Variants in CDH12 observed in about 807,000 individuals in gnomAD.
The protein encoded by CDH12 is cadherin 12, also known as cadherin-12.
A neutral mutation model predicts 74.1 loss-of-function variants in CDH12; 41 were observed. That is an observed-to-expected ratio of 0.55 (90% confidence interval 0.43 to 0.72). The LOEUF (loss-of-function observed/expected upper bound fraction) is 0.72, where lower values mean the gene tolerates loss of function less well. CDH12 is among the 30% of genes least tolerant of loss of function. The pLI, the probability that CDH12 is intolerant of heterozygous loss-of-function variation, is 0.00. For synonymous variants in CDH12, 399 were observed against 355.0 expected (o/e 1.12, Z -1.39); for missense variants, 945 against 977.2 (o/e 0.97, Z 0.44).
chr5:22,841,165 T>C (rs1737064740), intron 1 of CDH12, among the ~76,000 whole-genome samples: 2 of 152,134 alleles, frequency 1.3e-5, no homozygotes, highest in South Asian at 2.1e-4. Context: ...GTAATTTGGA[T>C]AAGCAATTAC....
At chr5:21,814,411 C>G (rs1747930330) in intron 9 of CDH12, among the ~76,000 whole-genome samples, 1 of 151,694 alleles carries the variant, frequency 6.6e-6, no homozygotes, top group African/African-American at 2.4e-5. Context: ...GTTGAACTTA[C>G]ATAACTGAAT....
intron 1 of CDH12, among the ~76,000 whole-genome samples, chr5:22,656,702 TC>T (rs1332337490): frequency 6.6e-6 from 1 of 152,210 alleles, no homozygotes; most frequent in Non-Finnish European, 1.5e-5. Context: ...GGAGTATTAC[TC>T]ATGTATGTGC....
At chr5:22,100,513 C>T (rs1474498926) in intron 4 of CDH12, among the ~76,000 whole-genome samples, 2 of 152,068 alleles carry the variant, frequency 1.3e-5, no homozygotes, top group Non-Finnish European at 2.9e-5. Flanking sequence ...ATTTACCTCA[C>T]ATTTTGATAT....
intron 1 of CDH12, among the ~76,000 whole-genome samples, chr5:22,764,395 A>G (rs918241244): frequency 2.6e-5 from 4 of 151,962 alleles, no homozygotes; most frequent in African/African-American, 9.7e-5. Flanking sequence ...TTTTCCATAT[A>G]TATTTCCTTC....
intron 3 of CDH12, among the ~76,000 whole-genome samples, chr5:22,371,952 A>G (rs1404273890): frequency 2.6e-5 from 4 of 152,220 alleles, no homozygotes; most frequent in African/African-American, 9.6e-5. Context: ...ATTTTAAGTT[A>G]GGCCAAAACA....
At chr5:22,765,680 G>T (rs190286799) in intron 1 of CDH12, among the ~76,000 whole-genome samples, 2 of 151,788 alleles carry the variant, frequency 1.3e-5, no homozygotes, top group Admixed American at 1.3e-4. Context: ...ATCGGTAACA[G>T]ATTTTTTTTC....
intron 4 of CDH12, among the ~76,000 whole-genome samples, chr5:22,089,095 A>G (rs1332822898): frequency 6.6e-6 from 1 of 152,176 alleles, no homozygotes; most frequent in Admixed American, 6.5e-5. Context: ...ACATTAGACA[A>G]TGTCATATGT....
At chr5:22,393,086 G>A (rs1178507391) in intron 3 of CDH12, among the ~76,000 whole-genome samples, 5 of 152,188 alleles carry the variant, frequency 3.3e-5, no homozygotes, top group South Asian at 4.1e-4. Context: ...TAGGGAAAAC[G>A]TCTTCACAGA....
At chr5:21,809,225 C>T (rs550198099) in intron 9 of CDH12, among the ~76,000 whole-genome samples, 170 of 151,922 alleles carry the variant, frequency 1.1e-3, no homozygotes, top group African/African-American at 3.8e-3. Flanking sequence ...TGTATTTTAG[C>T]GGTAATTTTT....
intron 1 of CDH12, among the ~76,000 whole-genome samples, chr5:22,726,790 C>T (rs1416491213): frequency 6.6e-6 from 1 of 151,530 alleles, no homozygotes; most frequent in East Asian, 1.9e-4. Flanking sequence ...TCTTCCTGGA[C>T]AAAAAAATAA....
chr5:22,271,191 T>A (rs1736383003), intron 3 of CDH12, among the ~76,000 whole-genome samples: 1 of 152,182 alleles, frequency 6.6e-6, no homozygotes, highest in South Asian at 2.1e-4. Flanking sequence ...ATAAATTTAA[T>A]ATTCTCAACA....
chr5:22,113,837 C>T (rs1243272971), intron 4 of CDH12, among the ~76,000 whole-genome samples: 2 of 152,114 alleles, frequency 1.3e-5, no homozygotes, highest in Admixed American at 6.6e-5. Flanking sequence ...ATCTCCCTTG[C>T]AATTATATAG....
intron 9 of CDH12, among the ~76,000 whole-genome samples, chr5:21,815,963 C>A (rs554479002): frequency 6.6e-6 from 1 of 152,230 alleles, no homozygotes; most frequent in South Asian, 2.1e-4. Context: ...ATCAAATTAT[C>A]AGGCCTAATT....
At chr5:21,864,464 C>A (rs1052662577) in intron 6 of CDH12, among the ~76,000 whole-genome samples, 1 of 152,244 alleles carries the variant, frequency 6.6e-6, no homozygotes, top group East Asian at 1.9e-4. Flanking sequence ...GCCCTTCTAC[C>A]TTCCCTCATG....
At chr5:22,177,767 G>A (rs545715147) in intron 4 of CDH12, among the ~76,000 whole-genome samples, 1 of 152,124 alleles carries the variant, frequency 6.6e-6, no homozygotes, top group Non-Finnish European at 1.5e-5. Flanking sequence ...TGAGAGAGGG[G>A]TTGCTTCATG....
intron 8 of CDH12, among the ~76,000 whole-genome samples, chr5:21,824,028 G>T (rs1001477782): frequency 1.3e-5 from 2 of 151,976 alleles, no homozygotes; most frequent in African/African-American, 4.8e-5. Flanking sequence ...TAAAAACATA[G>T]ATTTGGAAGT....
chr5:22,294,470 T>C (rs529286963), intron 3 of CDH12, among the ~76,000 whole-genome samples: 7 of 152,284 alleles, frequency 4.6e-5, no homozygotes, highest in South Asian at 2.1e-4. Flanking sequence ...TGTAGTACAA[T>C]TGAAGTATCC....
Position 21,814,502 on chromosome 5 carries a change from AAAAT to A in CDH12, c.1002+2439_1002+2442del, listed in dbSNP as rs539139990. Among the ~76,000 whole-genome samples, 59 of 151,802 alleles carry A rather than the reference AAAAT, an allele frequency of 3.9e-4. No individual in the cohort carries two copies. The South Asian group carries it at 6.5e-3, about 17-fold the overall frequency. On this transcript the variant is annotated intron_variant, in intron 9 of 14. Transcript: ENST00000382254. ...AACCACGCCTTTTTCAACTGTTTTA[AAAAT>A]AAATAAGAATGACATACATTTTTCT...
chr5:22,208,016 C>T (rs1014705464), intron 4 of CDH12, among the ~76,000 whole-genome samples: 2 of 152,142 alleles, frequency 1.3e-5, no homozygotes, highest in Non-Finnish European at 2.9e-5. Context: ...CTGTGATTGG[C>T]TCAATTTTCA....
Sources: gnomAD v4.1 joint callset for allele counts (sites outside exome capture counted in the v4.1 genomes callset) on GRCh38, gnomAD v4.1.1 for gene constraint, MANE v1.5 for transcripts, NCBI Gene and HGNC (gene_info 2026-07-23, HGNC 2026-07-21) for gene names.